SCLT1: variants seen among roughly 807,000 people sequenced by gnomAD.
SCLT1 encodes the protein sodium channel-associated protein 1.
Under a neutral mutation model 112.8 loss-of-function variants are expected in SCLT1, and 78 were observed. That is an observed-to-expected ratio of 0.69 (90% confidence interval 0.58 to 0.83). The LOEUF (loss-of-function observed/expected upper bound fraction) is 0.83, where lower values mean the gene tolerates loss of function less well. Among genes scored for constraint, SCLT1 ranks in the 40% least tolerant of loss-of-function variants. The pLI, the probability that SCLT1 is intolerant of heterozygous loss-of-function variation, is 0.00. For missense variants in SCLT1, 747 were observed against 770.4 expected (o/e 0.97, Z 0.36); for synonymous variants, 257 against 254.7 (o/e 1.01, Z -0.09).
At chr4:129,034,367 T>C (rs1747001721) in intron 5 of SCLT1, among the ~76,000 whole-genome samples, 1 of 151,840 alleles carries the variant, frequency 6.6e-6, no homozygotes, top group African/African-American at 2.4e-5. Flanking sequence ...AAATAAGTGT[T>C]TAAAATAATT....
chr4:129,000,327 G>C (rs1188732140), intron 6 of SCLT1, among the ~76,000 whole-genome samples: 1 of 151,684 alleles, frequency 6.6e-6, no homozygotes, highest in Non-Finnish European at 1.5e-5. Flanking sequence ...TGTGATTCTG[G>C]GTGAGAATTT....
intron 11 of SCLT1, among the ~76,000 whole-genome samples, chr4:128,963,496 T>C (rs1739916407): frequency 6.6e-6 from 1 of 152,114 alleles, no homozygotes; most frequent in Non-Finnish European, 1.5e-5. Context: ...AATACGAAAG[T>C]CCCTCTTAGG....
intron 2 of SCLT1, among the ~76,000 whole-genome samples, chr4:129,044,862 A>G (rs1748041235): frequency 6.6e-6 from 1 of 151,198 alleles, no homozygotes; most frequent in African/African-American, 2.4e-5. Context: ...AAAAAGAAAG[A>G]GGGAAGAACT....
At chr4:128,952,205 C>G (rs1738817722) in intron 14 of SCLT1, 2 of 387,072 alleles carry the variant, frequency 5.2e-6, no homozygotes, top group Non-Finnish European at 1.0e-5. Flanking sequence ...TACAGGGAGT[C>G]AGAAAAGATG....
At chr4:128,942,239 T>G (rs1002110237) in intron 17 of SCLT1, among the ~76,000 whole-genome samples, 5 of 152,064 alleles carry the variant, frequency 3.3e-5, no homozygotes, top group African/African-American at 9.7e-5. Flanking sequence ...TATGTTGACA[T>G]GAATTAGGTT....
Position 128,912,613 on chromosome 4 carries a change from C to T in SCLT1, c.1830-21476G>A, listed in dbSNP as rs184494423. Among the ~76,000 whole-genome samples the T allele has an allele frequency of 1.4e-4, 22 of 152,238 alleles. No homozygotes were observed. The East Asian group carries it at 4.1e-3, about 28-fold the overall frequency. ...ATATATAAATCTTGCCTAAAATCTA[C>T]TGCCTTCTAGAACTAGTAATCTTTT... is the stretch of plus-strand genomic sequence containing the variant. On this transcript the variant is annotated intron_variant, in intron 18 of 20. Coordinates refer to ENST00000281142, the MANE Select transcript of SCLT1 (RefSeq NM_144643.4).
intron 5 of SCLT1, among the ~76,000 whole-genome samples, chr4:129,017,506 T>TACCCTAAAGGTTTAAGAAATCTTA (rs1427307594): frequency 6.6e-6 from 1 of 152,030 alleles, no homozygotes; most frequent in Admixed American, 6.6e-5. Context: ...ATCAGTTAAG[T>TACCCTAAAGGTTTAAGAAATCTTA]ACCCTAAAGG....
chr4:129,089,851 C>T (rs1326001707), intron 1 of SCLT1, among the ~76,000 whole-genome samples: 2 of 142,234 alleles, frequency 1.4e-5, no homozygotes, highest in African/African-American at 2.5e-5. Flanking sequence ...CACCACACAC[C>T]GGGGCCTGTT....
At chr4:128,961,344 A>G (rs1034114084) in intron 11 of SCLT1, among the ~76,000 whole-genome samples, 5 of 152,140 alleles carry the variant, frequency 3.3e-5, no homozygotes, top group Non-Finnish European at 7.4e-5. Flanking sequence ...AAATACTCCT[A>G]TTATCACCCC....
chr4:129,090,753 C>G (rs781077258), intron 1 of SCLT1, among the ~76,000 whole-genome samples: 1 of 152,176 alleles, frequency 6.6e-6, no homozygotes, highest in African/African-American at 2.4e-5. Context: ...CCTCTTTGAA[C>G]AGGTTCCTAA....
intron 4 of SCLT1, among the ~76,000 whole-genome samples, chr4:129,042,401 G>A (rs1747776027): frequency 6.6e-6 from 1 of 152,052 alleles, no homozygotes; most frequent in Admixed American, 6.6e-5. Context: ...ACAATTTTGT[G>A]CTATTATTCT....
chr4:129,092,887 C>A (rs1051598886), intron 1 of SCLT1, among the ~76,000 whole-genome samples, 183 bp downstream of exon 1: 1 of 152,162 alleles, frequency 6.6e-6, no homozygotes, highest in African/African-American at 2.4e-5. Flanking sequence ...TACTACCACA[C>A]GGTTCTGCTT....
chr4:129,070,187 T>C (rs1401909810), intron 2 of SCLT1, among the ~76,000 whole-genome samples: 1 of 152,182 alleles, frequency 6.6e-6, no homozygotes, highest in Admixed American at 6.6e-5. Flanking sequence ...TTAGTATCTA[T>C]GTTTATCAAG....
intron 2 of SCLT1, 39 bp from the exon 3 acceptor site, chr4:129,044,090 C>T (rs1747956769): frequency 9.4e-7 from 1 of 1,058,746 alleles, no homozygotes; most frequent in African/African-American, 1.6e-5. Flanking sequence ...GTTCTCACAT[C>T]ATTCTAGCCA....
At chr4:129,067,761 C>T (rs1750617687) in intron 2 of SCLT1, among the ~76,000 whole-genome samples, 1 of 152,102 alleles carries the variant, frequency 6.6e-6, no homozygotes, top group Non-Finnish European at 1.5e-5. Context: ...ATCCACCTGC[C>T]TTGGCCTCCC....
intron 18 of SCLT1, among the ~76,000 whole-genome samples, chr4:128,909,196 C>G (rs1231857392): frequency 6.6e-6 from 1 of 152,148 alleles, no homozygotes; most frequent in Non-Finnish European, 1.5e-5. Flanking sequence ...CAGGATCTAC[C>G]TGGTCTACCA....
intron 2 of SCLT1, among the ~76,000 whole-genome samples, chr4:129,072,702 ACTT>A (rs1211048547): frequency 6.6e-6 from 1 of 151,162 alleles, no homozygotes; most frequent in African/African-American, 2.4e-5. Context: ...TTCTCCCTTC[ACTT>A]CTTGTCTCAT....
chr4:129,043,493 C>A, intron 3 of SCLT1, 26 bp from the exon 4 acceptor site: 1 of 1,035,234 alleles, frequency 9.7e-7, no homozygotes, highest in Non-Finnish European at 1.5e-6. Context: ...AAAAATATAG[C>A]ATATTCTGTT....
At chr4:128,928,496 T>C (rs1460026007) in intron 18 of SCLT1, among the ~76,000 whole-genome samples, 4 of 152,140 alleles carry the variant, frequency 2.6e-5, no homozygotes, top group Admixed American at 6.5e-5. Context: ...ACAGATTACA[T>C]AGAACAAATT....
Sources: gnomAD v4.1 joint callset for allele counts (sites outside exome capture counted in the v4.1 genomes callset) on GRCh38, gnomAD v4.1.1 for gene constraint, MANE v1.5 for transcripts, NCBI Gene and HGNC (gene_info 2026-07-23, HGNC 2026-07-21) for gene names.